Variants in NEK11 observed in about 807,000 individuals in gnomAD.
NEK11 encodes the protein NIMA related kinase 11.
A neutral mutation model predicts 80.7 loss-of-function variants in NEK11; 72 were observed. The ratio of observed to expected loss-of-function variants is 0.89; its 90% CI spans 0.74 to 1.08. The LOEUF (loss-of-function observed/expected upper bound fraction) is 1.08, where lower values mean the gene tolerates loss of function less well. Among genes scored for constraint, NEK11 ranks in the 50% least tolerant of loss-of-function variants. The pLI is 0.00. For synonymous variants in NEK11, 251 were observed against 260.7 expected, an observed-to-expected ratio of 0.96 and a Z score of 0.36; for missense variants, 764 against 763.6, an observed-to-expected ratio of 1.00 and a Z score of -0.01.
At chr3:131,344,199 C>T (rs1224050661) in intron 17 of NEK11, among the ~76,000 whole-genome samples, 2 of 152,162 alleles carry the variant, frequency 1.3e-5, no homozygotes, top group African/African-American at 4.8e-5. Flanking sequence ...GAAATTTCTT[C>T]CACCAGATAC....
In NEK11 at chr3:131,162,456, G is replaced by A. The variant is rs990941592; in HGVS notation, c.1011G>A (p.Gln337=). Residue 337 remains glutamine (Q), a synonymous_variant, in exon 11 of 18, where the codon CAG becomes CAA. Transcript: ENST00000383366. ...CTCTGAGGGCACTGTCAGAAGTACA[G>A]AAAATGACGCCAAGAGAAAGGATGC... ...LQTLRALSEV[Q]KMTPRERMRL... 5.6e-6 allele frequency: 9 copies of A among 1,614,126 alleles called. No homozygotes were observed. In the Admixed American group the frequency reaches 6.7e-5, roughly 12 times the overall value.
chr3:131,058,006 G>A (rs1396857698), intron 3 of NEK11, among the ~76,000 whole-genome samples: 5 of 152,044 alleles, frequency 3.3e-5, no homozygotes, highest in Non-Finnish European at 1.5e-5. Context: ...TTCTTCTAGG[G>A]TTTTTATGGT....
intron 3 of NEK11, among the ~76,000 whole-genome samples, chr3:131,038,537 G>T (rs2065978409): frequency 2.6e-5 from 4 of 152,144 alleles, no homozygotes. Context: ...TGAGTAGGCT[G>T]CAGGGAAACC....
chr3:131,133,090 A>G lies in NEK11; in HGVS notation c.520+281A>G, dbSNP rs144671550. ...TGATAGATTTTTCAAATATACTTTG[A>G]GTTCCCTGTTTCATGCCAGGCACTT... On this transcript the variant is annotated intron_variant, in intron 6 of 17. Coordinates refer to ENST00000383366, the MANE Select transcript of NEK11 (RefSeq NM_024800.5). Among the ~76,000 whole-genome samples, 747 of 152,256 alleles carry G rather than the reference A, an allele frequency of 4.9e-3. 11 individuals carry two copies. Among genetic ancestry groups the G allele is most frequent in the African/African-American group, 0.017 (711 of 41,564 alleles).
intron 17 of NEK11, among the ~76,000 whole-genome samples, chr3:131,337,268 T>C (rs974915539): frequency 6.6e-6 from 1 of 151,582 alleles, no homozygotes; most frequent in Non-Finnish European, 1.5e-5. Flanking sequence ...ATATACACCA[T>C]GGAATACTAT....
At chr3:131,162,642 A>G (rs1374608470) in intron 11 of NEK11, 115 bp downstream of exon 11, 25 of 1,179,318 alleles carry the variant, frequency 2.1e-5, no homozygotes, top group Middle Eastern at 2.0e-4. Flanking sequence ...ACGATTATGT[A>G]TTTATGTGTT....
intron 4 of NEK11, among the ~76,000 whole-genome samples, chr3:131,106,185 C>A (rs1403444254): frequency 6.6e-6 from 1 of 151,550 alleles, no homozygotes; most frequent in East Asian, 1.9e-4. Context: ...ACATTTTTTT[C>A]AATGTGGCAC....
At chr3:131,164,073 A>G (rs2091951660) in intron 11 of NEK11, among the ~76,000 whole-genome samples, 1 of 152,224 alleles carries the variant, frequency 6.6e-6, no homozygotes, top group Admixed American at 6.5e-5. Context: ...TGTACTTAGA[A>G]TGAATATCAT....
At chr3:131,208,480 G>C (rs1255382925) in intron 14 of NEK11, among the ~76,000 whole-genome samples, 1 of 152,150 alleles carries the variant, frequency 6.6e-6, no homozygotes, top group Non-Finnish European at 1.5e-5. Flanking sequence ...CTTTAAAATA[G>C]TTTTTTCCAA....
intron 10 of NEK11, among the ~76,000 whole-genome samples, chr3:131,158,215 T>C (rs1039413649): frequency 6.6e-6 from 1 of 152,140 alleles, no homozygotes; most frequent in African/African-American, 2.4e-5. Context: ...GAATCATGCC[T>C]GACTGGAGGA....
intron 5 of NEK11, among the ~76,000 whole-genome samples, chr3:131,118,918 C>G (rs2081843554): frequency 6.6e-6 from 1 of 152,012 alleles, no homozygotes; most frequent in South Asian, 2.1e-4. Flanking sequence ...TTTTGAAAAA[C>G]CAGCTCCTGG....
chr3:131,222,034 G>A (rs1429734761), intron 14 of NEK11, among the ~76,000 whole-genome samples: 1 of 151,966 alleles, frequency 6.6e-6, no homozygotes, highest in African/African-American at 2.4e-5. Context: ...CCTTAAGACG[G>A]TTTACCAGGA....
chr3:131,080,857 C>T (rs2075153307), intron 4 of NEK11, among the ~76,000 whole-genome samples: 1 of 152,086 alleles, frequency 6.6e-6, no homozygotes. Context: ...TACTTGTAAT[C>T]CCAGCACTTT....
chr3:131,101,684 A>G (rs1299752804), intron 4 of NEK11, among the ~76,000 whole-genome samples: 4 of 152,208 alleles, frequency 2.6e-5, no homozygotes, highest in African/African-American at 9.6e-5. Flanking sequence ...TGTGGAGAAG[A>G]GAAGCATATA....
At chr3:131,122,407 G>A (rs1294872326) in intron 5 of NEK11, among the ~76,000 whole-genome samples, 1 of 152,150 alleles carries the variant, frequency 6.6e-6, no homozygotes, top group East Asian at 1.9e-4. Context: ...GCTGACAGTG[G>A]CCAATAGTTT....
At chr3:131,220,609 C>T (rs1387864732) in intron 14 of NEK11, among the ~76,000 whole-genome samples, 2 of 152,170 alleles carry the variant, frequency 1.3e-5, no homozygotes, top group Non-Finnish European at 2.9e-5. Flanking sequence ...AAAGCCATTA[C>T]CCTCTTCAGA....
intron 16 of NEK11, among the ~76,000 whole-genome samples, chr3:131,256,290 T>G (rs2095815271): frequency 6.6e-6 from 1 of 152,200 alleles, no homozygotes; most frequent in Non-Finnish European, 1.5e-5. Flanking sequence ...TTATACAATG[T>G]ATACATTTAT....
intron 11 of NEK11, among the ~76,000 whole-genome samples, chr3:131,163,587 G>T (rs1345585553): frequency 6.6e-6 from 1 of 152,038 alleles, no homozygotes; most frequent in African/African-American, 2.4e-5. Flanking sequence ...AGGGGCAGGG[G>T]GGCATGAATG....
intron 5 of NEK11, among the ~76,000 whole-genome samples, chr3:131,127,824 GT>G (rs1450355641): frequency 6.6e-6 from 1 of 151,208 alleles, no homozygotes; most frequent in Non-Finnish European, 1.5e-5. Context: ...TAGTTTAACT[GT>G]AGGCTGTAGG....
Sources: gnomAD v4.1 joint callset for allele counts (sites outside exome capture counted in the v4.1 genomes callset) on GRCh38, gnomAD v4.1.1 for gene constraint, MANE v1.5 for transcripts, NCBI Gene and HGNC (gene_info 2026-07-23, HGNC 2026-07-21) for gene names.